CDH11: variants seen among roughly 807,000 people sequenced by gnomAD.
CDH11 encodes cadherin 11.
A neutral mutation model predicts 67.8 loss-of-function variants in CDH11; 11 were observed. The observed-to-expected ratio is 0.16, with a 90% CI of 0.10 to 0.27. CDH11 has a LOEUF of 0.27. CDH11 is among the 10% of genes least tolerant of loss of function. The pLI, the probability that CDH11 is intolerant of heterozygous loss-of-function variation, is 1.00. For missense variants in CDH11, 847 were observed against 1,031.2 expected, an observed-to-expected ratio of 0.82 and a Z score of 2.45; for synonymous variants, 419 against 400.0, an observed-to-expected ratio of 1.05 and a Z score of -0.57.
At chr16:65,092,003 A>T (rs1212601780) in intron 1 of CDH11, among the ~76,000 whole-genome samples, 1 of 152,060 alleles carries the variant, frequency 6.6e-6, no homozygotes, top group African/African-American at 2.4e-5. Flanking sequence ...ACCTGAACTC[A>T]TTTCACCTCT....
intron 2 of CDH11, among the ~76,000 whole-genome samples, chr16:65,017,211 A>T (rs1427589114): frequency 6.6e-6 from 1 of 152,114 alleles, no homozygotes; most frequent in African/African-American, 2.4e-5. Flanking sequence ...CCTCCTGGCA[A>T]TGCAGCCTAC....
At chr16:64,995,639 C>T (rs2072744577) in intron 4 of CDH11, among the ~76,000 whole-genome samples, 1 of 151,916 alleles carries the variant, frequency 6.6e-6, no homozygotes, top group South Asian at 2.1e-4. Context: ...CTATAAATGC[C>T]CTAGAGAAAA....
chr16:65,082,553 C>T (rs1317176429), intron 1 of CDH11, among the ~76,000 whole-genome samples: 1 of 152,156 alleles, frequency 6.6e-6, no homozygotes, highest in Non-Finnish European at 1.5e-5. Flanking sequence ...AAAATGTAAG[C>T]TCCAGATTCA....
chr16:65,113,473 T>C (rs1271788242), intron 1 of CDH11, among the ~76,000 whole-genome samples: 1 of 152,150 alleles, frequency 6.6e-6, no homozygotes, highest in Non-Finnish European at 1.5e-5. Context: ...AATGATTCAG[T>C]TAATGACTGC....
At chr16:65,024,555 A>T (rs932732661) in intron 2 of CDH11, among the ~76,000 whole-genome samples, 1 of 152,240 alleles carries the variant, frequency 6.6e-6, no homozygotes, top group African/African-American at 2.4e-5. Context: ...AAATTTAAAA[A>T]GCAGTTCTTC....
At chr16:65,014,133 C>T (rs1160881348) in intron 2 of CDH11, among the ~76,000 whole-genome samples, 4 of 152,070 alleles carry the variant, frequency 2.6e-5, no homozygotes, top group Non-Finnish European at 5.9e-5. Context: ...ATAAGCCTCA[C>T]GAAGGGGCTC....
intron 1 of CDH11, among the ~76,000 whole-genome samples, chr16:65,117,836 C>A (rs74248447): frequency 0.048 from 7,226 of 152,058 alleles, 231 homozygotes; most frequent in East Asian, 0.16. Context: ...CCAGAAAATC[C>A]TCCCAGATCA....
chr16:64,981,870 A>G, intron 8 of CDH11, 178 bp downstream of exon 8: 1 of 541,324 alleles, frequency 1.8e-6, no homozygotes, highest in Non-Finnish European at 3.2e-6. Context: ...CCAAAAAGTC[A>G]GGAACAGAGG....
chr16:65,019,012 CACT>C (rs2142571356), intron 2 of CDH11, among the ~76,000 whole-genome samples: 1 of 152,296 alleles, frequency 6.6e-6, no homozygotes, highest in Non-Finnish European at 1.5e-5. Context: ...TGTTCACATT[CACT>C]AATTCATGTC....
chr16:65,023,453 C>T (rs938042750), intron 2 of CDH11, among the ~76,000 whole-genome samples: 19 of 152,092 alleles, frequency 1.2e-4, no homozygotes, highest in African/African-American at 4.1e-4. Context: ...GCCCGGGAAG[C>T]CACCTGGGTT....
Position 65,028,660 on chromosome 16 carries a change from G to A in CDH11, c.-172-23619C>T, listed in dbSNP as rs574221943. ...ACACTACACAGAATAAACTGAACCT[G>A]CTACTGATACATAATTCCTTTCTTT... On this transcript the variant is annotated intron_variant, in intron 2 of 12. Coordinates refer to ENST00000268603, the MANE Select transcript of CDH11 (RefSeq NM_001797.4). Among the ~76,000 whole-genome samples the A allele has an allele frequency of 2.5e-4, 38 of 152,236 alleles. No homozygotes were observed. In the South Asian group the frequency reaches 5.6e-3, roughly 22 times the overall value.
chr16:64,955,560 G>A (rs1294623328), intron 11 of CDH11, among the ~76,000 whole-genome samples: 3 of 152,094 alleles, frequency 2.0e-5, no homozygotes, highest in East Asian at 1.9e-4. Context: ...GCAACATAGC[G>A]AGACCTTGTC....
At chr16:64,954,295 CAT>C (rs2071444012) in intron 11 of CDH11, among the ~76,000 whole-genome samples, 1 of 152,180 alleles carries the variant, frequency 6.6e-6, no homozygotes, top group Admixed American at 6.5e-5. Context: ...ACATGCTTCA[CAT>C]ATAGATTTTA....
In CDH11 at chr16:65,121,164, C is replaced by T. The variant is rs1192793881; in HGVS notation, c.-298+716G>A. Among the ~76,000 whole-genome samples, 1 of 152,206 alleles carries T rather than the reference C, an allele frequency of 6.6e-6. No individual in the cohort carries two copies. The highest frequency in any genetic ancestry group is 1.5e-5 in the Non-Finnish European group (1 of 68,038). On this transcript the variant is annotated intron_variant, in intron 1 of 12. Transcript: ENST00000268603. The surrounding 1 kb of genome is among the most constrained non-coding windows in gnomAD (Gnocchi z 4.1). ...AGCCCGAGTCTGGGCCGCTCATGGA[C>T]CTACTCCTGCGCTGGTGGGAGCTTA...
chr16:64,952,829 A>G (rs2142376267), intron 11 of CDH11, among the ~76,000 whole-genome samples: 1 of 152,280 alleles, frequency 6.6e-6, no homozygotes, highest in South Asian at 2.1e-4. Context: ...TAGCTCCTGT[A>G]GTAGGGAAAA....
intron 11 of CDH11, among the ~76,000 whole-genome samples, chr16:64,957,558 C>T (rs2071547077): frequency 6.7e-6 from 1 of 150,340 alleles, no homozygotes; most frequent in African/African-American, 2.5e-5. Context: ...ATAGCTCTGC[C>T]AAGATAATGG....
intron 8 of CDH11, chr16:64,981,412 T>C: frequency 1.3e-5 from 1 of 78,984 alleles, no homozygotes; most frequent in Middle Eastern, 5.8e-3. Flanking sequence ...CAGCCACAGT[T>C]CTGGATCACA....
At chr16:65,060,235 G>T (rs2074214380) in intron 1 of CDH11, among the ~76,000 whole-genome samples, 1 of 151,960 alleles carries the variant, frequency 6.6e-6, no homozygotes, top group Non-Finnish European at 1.5e-5. Context: ...TTGCTCCAAA[G>T]ACTCTTCCCC....
At chr16:65,109,687 A>G (rs1359583067) in intron 1 of CDH11, among the ~76,000 whole-genome samples, 1 of 152,146 alleles carries the variant, frequency 6.6e-6, no homozygotes, top group Non-Finnish European at 1.5e-5. Flanking sequence ...AGTCCATAGA[A>G]AACTTTCCCA....
Sources: allele counts gnomAD v4.1 joint callset (sites outside exome capture counted in the v4.1 genomes callset), GRCh38; gene constraint gnomAD v4.1.1; non-coding constraint Gnocchi (gnomAD v3.1); transcripts MANE v1.5; gene names NCBI Gene and HGNC (gene_info 2026-07-23, HGNC 2026-07-21).